The following NRG3 variants were observed in gnomAD, a reference collection of about 807,000 sequenced individuals.
NRG3 encodes the protein pro-neuregulin-3, membrane-bound isoform.
Under a neutral mutation model 66.9 loss-of-function variants are expected in NRG3, and 31 were observed. The ratio of observed to expected loss-of-function variants is 0.46; its 90% CI spans 0.35 to 0.63. The LOEUF (loss-of-function observed/expected upper bound fraction) is 0.63. Ranked by LOEUF, NRG3 falls within the 20% of genes least tolerant of loss-of-function variation. The probability of loss-of-function intolerance (pLI) is 0.00; values close to 1 mark genes in which losing one functional copy is unlikely to be tolerated. For synonymous variants in NRG3, 393 were observed against 359.4 expected, an observed-to-expected ratio of 1.09 and a Z score of -1.06; for missense variants, 910 against 878.9, an observed-to-expected ratio of 1.04 and a Z score of -0.45.
chr10:82,804,955 T>G (rs1464217200), intron 3 of NRG3, among the ~76,000 whole-genome samples: 1 of 152,230 alleles, frequency 6.6e-6, no homozygotes, highest in African/African-American at 2.4e-5. Flanking sequence ...AATGTACTAC[T>G]GGGGTTAGTA....
At chr10:82,410,577 A>G (rs944760315) in intron 2 of NRG3, among the ~76,000 whole-genome samples, 9 of 151,522 alleles carry the variant, frequency 5.9e-5, no homozygotes, top group Non-Finnish European at 7.4e-5. Flanking sequence ...GACTGATAAT[A>G]GGTATGGGAT....
rs183875095 is a variant in NRG3 at position 82,689,216 on chromosome 10, C to T, written c.954-49361C>T. ...TTTGAGAGGAAAAAGGATTGAAGGA[C>T]GTAAAAATGTTATCTTCCAGTAATC... On this transcript the variant is annotated intron_variant, in intron 2 of 8. Coordinates refer to ENST00000372141, the MANE Select transcript of NRG3 (RefSeq NM_001010848.4). Among the ~76,000 whole-genome samples the T allele has an allele frequency of 1.3e-3, 197 of 152,108 alleles. 3 individuals carry two copies. The highest frequency in any genetic ancestry group is 0.011 in the Admixed American group (168 of 15,260).
At chr10:82,650,183 G>A (rs999764027) in intron 2 of NRG3, among the ~76,000 whole-genome samples, 3 of 152,110 alleles carry the variant, frequency 2.0e-5, no homozygotes, top group Non-Finnish European at 4.4e-5. Context: ...GTCATGATAT[G>A]TATATGTATG....
chr10:82,558,896 A>C (rs1454166057), intron 2 of NRG3, among the ~76,000 whole-genome samples: 1 of 152,122 alleles, frequency 6.6e-6, no homozygotes, highest in Admixed American at 6.6e-5. Context: ...TACAAAGGAA[A>C]GTGCTCTATT....
chr10:82,622,916 A>G (rs1478455504), intron 2 of NRG3, among the ~76,000 whole-genome samples: 1 of 152,138 alleles, frequency 6.6e-6, no homozygotes, highest in East Asian at 1.9e-4. Context: ...GTGATGAGCC[A>G]TAGGTTAAGT....
chr10:82,320,354 G>A (rs967180965), intron 1 of NRG3, among the ~76,000 whole-genome samples: 1 of 152,120 alleles, frequency 6.6e-6, no homozygotes, highest in Non-Finnish European at 1.5e-5. Flanking sequence ...AATTGGTGTG[G>A]AAGAGGAGAA....
At chr10:82,762,363 A>G (rs1572043) in intron 3 of NRG3, among the ~76,000 whole-genome samples, 1 of 152,148 alleles carries the variant, frequency 6.6e-6, no homozygotes, top group African/African-American at 2.4e-5. Context: ...TAAATTTTTC[A>G]AACGCTAATT....
intron 1 of NRG3, among the ~76,000 whole-genome samples, chr10:81,991,198 C>T (rs1028780406): frequency 1.3e-5 from 2 of 152,084 alleles, no homozygotes; most frequent in African/African-American, 4.8e-5. Flanking sequence ...TCAATATGTA[C>T]ATTGTTTCCA....
chr10:82,221,449 C>T (rs1336293), intron 1 of NRG3, among the ~76,000 whole-genome samples: 16,722 of 152,154 alleles, frequency 0.11, 1,023 homozygotes, highest in Middle Eastern at 0.18. Flanking sequence ...TAGTGCCCAA[C>T]TGGCTTCAAT....
chr10:82,862,170 C>A (rs189201129), intron 3 of NRG3, among the ~76,000 whole-genome samples: 1 of 152,146 alleles, frequency 6.6e-6, no homozygotes, highest in Admixed American at 6.5e-5. Flanking sequence ...GCAAGATAAG[C>A]GGTCCTACCG....
intron 1 of NRG3, chr10:81,889,533 A>G (rs1404659734): frequency 6.6e-6 from 1 of 152,180 alleles, no homozygotes; most frequent in Admixed American, 6.5e-5. Flanking sequence ...AATCCAGTTC[A>G]TCACTCTCGC....
intron 2 of NRG3, among the ~76,000 whole-genome samples, chr10:82,437,589 T>C (rs969669935): frequency 1.3e-5 from 2 of 152,106 alleles, no homozygotes; most frequent in Non-Finnish European, 2.9e-5. Flanking sequence ...GATGGAGAGA[T>C]GTTGCGATCA....
At chr10:82,613,046 G>A (rs1424314372) in intron 2 of NRG3, among the ~76,000 whole-genome samples, 3 of 152,262 alleles carry the variant, frequency 2.0e-5, no homozygotes, top group South Asian at 4.1e-4. Context: ...AGTTTGAGAA[G>A]TAGGTTTTAA....
At position 82,322,518 on chromosome 10, in the gene NRG3, G is replaced by A. The variant is rs375527213; in HGVS notation, c.824-36221G>A. 6.6e-5 allele frequency among the ~76,000 whole-genome samples: 10 copies of A among 151,918 alleles called. 1 individual carries two copies. Among genetic ancestry groups the A allele is most frequent in the African/African-American group, 2.4e-4 (10 of 41,410 alleles). ...AGATTTTCAGTAGATTTTATTAAAA[G>A]GATTATGTTCCATATTAGCTTTTTT... On this transcript the variant is annotated intron_variant, in intron 1 of 8. Coordinates refer to ENST00000372141, the MANE Select transcript of NRG3 (RefSeq NM_001010848.4).
intron 3 of NRG3, among the ~76,000 whole-genome samples, chr10:82,769,833 C>T (rs1214989643): frequency 6.6e-6 from 1 of 152,056 alleles, no homozygotes; most frequent in African/African-American, 2.4e-5. Flanking sequence ...TGTACACGCT[C>T]AGACATGTAT....
At chr10:82,254,674 C>A (rs914656380) in intron 1 of NRG3, among the ~76,000 whole-genome samples, 3 of 150,310 alleles carry the variant, frequency 2.0e-5, no homozygotes, top group Admixed American at 6.7e-5. Context: ...CACACACACA[C>A]AAAACAAAAA....
intron 2 of NRG3, among the ~76,000 whole-genome samples, chr10:82,414,215 C>T (rs970317277): frequency 6.6e-6 from 1 of 152,032 alleles, no homozygotes; most frequent in African/African-American, 2.4e-5. Flanking sequence ...CTTGCTCACA[C>T]AGAGGCGGTT....
intron 1 of NRG3, among the ~76,000 whole-genome samples, chr10:81,945,070 T>A (rs1848731480): frequency 6.6e-6 from 1 of 152,142 alleles, no homozygotes. Flanking sequence ...AGAGAGGCCT[T>A]TTGTGGCTCA....
chr10:82,540,986 G>A (rs182051740), intron 2 of NRG3, among the ~76,000 whole-genome samples: 3 of 152,212 alleles, frequency 2.0e-5, no homozygotes, highest in Admixed American at 2.0e-4. Flanking sequence ...GAGGAAATTT[G>A]AACACGCAAA....
Sources: gnomAD v4.1 joint callset for allele counts (sites outside exome capture counted in the v4.1 genomes callset) on GRCh38, gnomAD v4.1.1 for gene constraint, MANE v1.5 for transcripts, NCBI Gene and HGNC (gene_info 2026-07-23, HGNC 2026-07-21) for gene names.